NRBF2: variants seen among roughly 807,000 people sequenced by gnomAD.
NRBF2 encodes the protein nuclear receptor-binding factor 2.
NRBF2 carries 12 observed loss-of-function variants against 28.5 expected under a neutral mutation model. The ratio of observed to expected loss-of-function variants is 0.42; its 90% confidence interval spans 0.27 to 0.68. NRBF2 has a LOEUF of 0.68. NRBF2 is among the 30% of genes least tolerant of loss of function. The pLI is 0.24. For missense variants in NRBF2, 274 were observed against 333.5 expected, an observed-to-expected ratio of 0.82 and a Z score of 1.39; for synonymous variants, 102 against 116.5, an observed-to-expected ratio of 0.88 and a Z score of 0.80.
intron 1 of NRBF2, 72 bp downstream of exon 1, chr10:63,133,572 C>A: frequency 8.6e-7 from 1 of 1,168,864 alleles, no homozygotes; most frequent in Non-Finnish European, 1.3e-6. Flanking sequence ...GTCCCCGGCG[C>A]GTCGGCTAAC....
At position 63,142,780 on chromosome 10, in the gene NRBF2, C is replaced by CTTTCTT. The variant is rs1554821458; in HGVS notation, c.31-3426_31-3425insCTTTTT. Among the ~76,000 whole-genome samples the CTTTCTT allele has an allele frequency of 1.2e-3, 92 of 74,956 alleles. 1 individual carries two copies. The highest frequency in any genetic ancestry group is 1.8e-3 in the Non-Finnish European group (76 of 43,234). 49.2% of individuals were successfully genotyped at this position (74,956 alleles called of 152,430 possible). A position where few individuals can be genotyped will look rare whatever the true frequency, so the allele number is the denominator to read the frequency against. ...AGTCATTTCTTTTCTTTCTTTCTTT[C>CTTTCTT]TTTTTTTTTTTTTTTTTTTTGAGGC... is the stretch of plus-strand genomic sequence containing the variant. On this transcript the variant is annotated intron_variant, in intron 1 of 3. Transcript: ENST00000277746.
intron 1 of NRBF2, among the ~76,000 whole-genome samples, chr10:63,134,317 C>G (rs1453463345): frequency 6.6e-6 from 1 of 152,110 alleles, no homozygotes; most frequent in Non-Finnish European, 1.5e-5. Context: ...TTTTAGTTTT[C>G]CAGAGAGGTT....
intron 1 of NRBF2, 61 bp downstream of exon 1, chr10:63,133,561 C>G (rs1589014371): frequency 3.9e-6 from 5 of 1,295,340 alleles, no homozygotes; most frequent in Non-Finnish European, 4.5e-6. Flanking sequence ...AGCCCGGCCC[C>G]GTCCCCGGCG....
chr10:63,137,081 T>C (rs1841389182), intron 1 of NRBF2, among the ~76,000 whole-genome samples: 2 of 152,190 alleles, frequency 1.3e-5, no homozygotes. Flanking sequence ...GGGATCCTCC[T>C]GCCTGAGCCC....
chr10:63,154,084 C>G lies in NRBF2; in HGVS notation c.730C>G (p.Gln244Glu). 1 of 1,613,838 alleles carries G rather than the reference C, an allele frequency of 6.2e-7. No individual in the cohort carries two copies. The highest frequency in any genetic ancestry group is 8.5e-7 in the Non-Finnish European group (1 of 1,179,844). Residue 244 changes from glutamine (Q) to glutamate (E), a missense_variant, in exon 4 of 4, where the codon CAG becomes GAG. Gln to Glu is a conservative substitution (Grantham distance 29). Transcript: ENST00000277746. ...AETATASSTW[Q>E]KFAANTGKAK... is the part of the protein sequence containing the mutation. ...AACTGCTACAGCCTCCTCAACCTGG[C>G]AGAAGTTCGCAGCAAATACTGGGAA... is the stretch of plus-strand genomic sequence containing the variant.
chr10:63,154,433 T>C lies in NRBF2; in HGVS notation c.*215T>C, dbSNP rs16918239. ...ACTCACTTCAGCTAATGATTCCGAC[T>C]TGGCAGACGCTAAACTCATGGAGGT... On this transcript the variant is annotated 3_prime_UTR_variant, in exon 4 of 4. Coordinates refer to ENST00000277746, the MANE Select transcript of NRBF2 (RefSeq NM_030759.5). 16,875 of 432,816 alleles carry C rather than the reference T, an allele frequency of 0.039. 971 individuals carry two copies. Among genetic ancestry groups the C allele is most frequent in the East Asian group, 0.22 (5,969 of 26,668 alleles). The allele number at this position is 432,816 out of a possible 1,614,324, so 26.8% of individuals were successfully genotyped here.
intron 2 of NRBF2, 122 bp downstream of exon 2, chr10:63,146,415 A>C: frequency 1.6e-6 from 1 of 620,900 alleles, no homozygotes; most frequent in Non-Finnish European, 2.7e-6. Flanking sequence ...ATCAGCTTTG[A>C]TTATTTTTCA....
At chr10:63,141,484 C>A (rs891176526) in intron 1 of NRBF2, among the ~76,000 whole-genome samples, 16 of 152,114 alleles carry the variant, frequency 1.1e-4, no homozygotes, top group Non-Finnish European at 2.2e-4. Flanking sequence ...CAGTCTAGAC[C>A]CAACTATATT....
At chr10:63,142,140 C>T (rs1034180072) in intron 1 of NRBF2, among the ~76,000 whole-genome samples, 20 of 152,034 alleles carry the variant, frequency 1.3e-4, no homozygotes, top group Non-Finnish European at 2.5e-4. Context: ...AAATCATCAG[C>T]GACACACACA....
chr10:63,153,428 A>G (rs766822296), intron 3 of NRBF2, 83 bp from the exon 4 acceptor site: 1 of 1,073,276 alleles, frequency 9.3e-7, no homozygotes, highest in Non-Finnish European at 1.3e-6. Flanking sequence ...GGTTATTCAC[A>G]AAGGATTTTG....
intron 1 of NRBF2, among the ~76,000 whole-genome samples, chr10:63,139,261 G>A (rs2132679125): frequency 6.6e-6 from 1 of 152,200 alleles, no homozygotes; most frequent in East Asian, 1.9e-4. Context: ...GCCCACCTTG[G>A]CCTCCCAAAC....
intron 2 of NRBF2, among the ~76,000 whole-genome samples, chr10:63,147,846 A>G (rs1841589135): frequency 6.6e-6 from 1 of 151,886 alleles, no homozygotes. Context: ...CATACAGTAG[A>G]TATTCCATAA....
intron 1 of NRBF2, among the ~76,000 whole-genome samples, chr10:63,144,761 A>T (rs1203742323): frequency 6.6e-6 from 1 of 152,158 alleles, no homozygotes; most frequent in Non-Finnish European, 1.5e-5. Flanking sequence ...TTGTGTGTGT[A>T]TACTGCATTT....
intron 2 of NRBF2, among the ~76,000 whole-genome samples, chr10:63,148,070 C>T (rs1355965981): frequency 6.6e-6 from 1 of 152,092 alleles, no homozygotes; most frequent in Non-Finnish European, 1.5e-5. Context: ...CCAAAATGGT[C>T]ATGGTTACAT....
At chr10:63,137,568 TTTG>T (rs150001853) in intron 1 of NRBF2, among the ~76,000 whole-genome samples, 2,148 of 152,268 alleles carry the variant, frequency 0.014, 36 homozygotes, top group African/African-American at 0.039. Context: ...GCTGAGAATG[TTTG>T]TTGAGTAACA....
At chr10:63,150,407 CTTT>C (rs79893998) in intron 2 of NRBF2, 4 of 791,470 alleles carry the variant, frequency 5.1e-6, no homozygotes, top group African/African-American at 1.9e-5. Context: ...TTTTTCTTTC[CTTT>C]TTTTTTTTTA....
intron 2 of NRBF2, among the ~76,000 whole-genome samples, chr10:63,147,446 G>A (rs1211523280): frequency 2.6e-5 from 4 of 151,238 alleles, no homozygotes; most frequent in African/African-American, 7.3e-5. Flanking sequence ...TCAGCCTCCC[G>A]AGTAGCTGGG....
intron 1 of NRBF2, among the ~76,000 whole-genome samples, chr10:63,140,312 T>A (rs1275725962): frequency 6.6e-6 from 1 of 152,226 alleles, no homozygotes. Context: ...TAAAAAAGAA[T>A]GTGGGAAGTC....
Position 63,143,173 on chromosome 10 carries a change from C to G in NRBF2, c.31-3036C>G, listed in dbSNP as rs76123937. On this transcript the variant is annotated intron_variant, in intron 1 of 3. Coordinates refer to ENST00000277746, the MANE Select transcript of NRBF2 (RefSeq NM_030759.5). ...TTACTATTTAAAAAATAAAAAGTAT[C>G]TGAAATCCTGTAATTGAAAGGCACG... 7.6e-3 allele frequency among the ~76,000 whole-genome samples: 1,164 copies of G among 152,268 alleles called. 6 individuals carry two copies. Among genetic ancestry groups the G allele is most frequent in the Non-Finnish European group, 0.014 (966 of 68,016 alleles).
Sources: allele counts gnomAD v4.1 joint callset (sites outside exome capture counted in the v4.1 genomes callset), GRCh38; gene constraint gnomAD v4.1.1; transcripts MANE v1.5; gene names NCBI Gene and HGNC (gene_info 2026-07-23, HGNC 2026-07-21).